Variants in MYT1L observed in about 807,000 individuals in gnomAD.
The protein encoded by MYT1L is myelin transcription factor 1 like.
In MYT1L, 12 loss-of-function variants were observed where a neutral mutation model predicts 126.7. The ratio of observed to expected loss-of-function variants is 0.09; its 90% CI spans 0.06 to 0.15. The LOEUF (loss-of-function observed/expected upper bound fraction) is 0.15, where lower values mean the gene tolerates loss of function less well. Ranked by LOEUF, MYT1L falls within the 10% of genes least tolerant of loss-of-function variation. The probability of loss-of-function intolerance (pLI) is 1.00; values close to 1 mark genes in which losing one functional copy is unlikely to be tolerated. For synonymous variants in MYT1L, 541 were observed against 604.2 expected (o/e 0.90, Z 1.53); for missense variants, 979 against 1,585.2 (o/e 0.62, Z 6.49).
At chr2:2,277,437 T>C (rs2095379682) in intron 2 of MYT1L, among the ~76,000 whole-genome samples, 1 of 152,212 alleles carries the variant, frequency 6.6e-6, no homozygotes, top group South Asian at 2.1e-4. Flanking sequence ...GTGGACAGAT[T>C]GTCCCATACG....
At position 1,965,939 on chromosome 2, in the gene MYT1L, G is replaced by C. The variant is rs777866021; in HGVS notation, c.152+13226C>G. Among the ~76,000 whole-genome samples, 4 of 152,262 alleles carry C rather than the reference G, an allele frequency of 2.6e-5. No individual in the cohort carries two copies. In the East Asian group the frequency reaches 7.7e-4, roughly 29 times the overall value. On this transcript the variant is annotated intron_variant, in intron 8 of 24. Coordinates refer to ENST00000647738, the MANE Select transcript of MYT1L (RefSeq NM_001303052.2). ...CCCGTGTGAGACAGTTACGTGCCGG[G>C]TGGCCCTGTGAGGGCACCAGGACTG...
At chr2:2,291,227 T>C (rs2095594947) in intron 1 of MYT1L, among the ~76,000 whole-genome samples, 1 of 152,220 alleles carries the variant, frequency 6.6e-6, no homozygotes, top group African/African-American at 2.4e-5. Flanking sequence ...TTCTGGGTTT[T>C]AGCTACAAAG....
intron 14 of MYT1L, among the ~76,000 whole-genome samples, chr2:1,901,489 T>C (rs1228861203): frequency 2.0e-5 from 3 of 152,206 alleles, no homozygotes; most frequent in Non-Finnish European, 4.4e-5. Context: ...TGTTATACGC[T>C]ACAGTCACTC....
At chr2:2,182,589 G>A (rs1292288235) in intron 2 of MYT1L, among the ~76,000 whole-genome samples, 2 of 152,166 alleles carry the variant, frequency 1.3e-5, no homozygotes, top group East Asian at 3.9e-4. Flanking sequence ...TTGGATGGAG[G>A]ATTTAGGGAG....
At chr2:2,208,399 C>T (rs1452615594) in intron 2 of MYT1L, among the ~76,000 whole-genome samples, 1 of 152,144 alleles carries the variant, frequency 6.6e-6, no homozygotes, top group African/African-American at 2.4e-5. Flanking sequence ...CCTGTCACAG[C>T]CAGCAGTTCG....
intron 18 of MYT1L, among the ~76,000 whole-genome samples, chr2:1,881,354 TCG>T (rs1491103527): frequency 3.6e-5 from 4 of 111,464 alleles, no homozygotes; most frequent in African/African-American, 1.4e-4. Flanking sequence ...GTTTGCAGGT[TCG>T]TGTGTGTGTG....
chr2:1,820,106 G>T (rs937752928), intron 21 of MYT1L, among the ~76,000 whole-genome samples: 9 of 152,162 alleles, frequency 5.9e-5, no homozygotes, highest in Non-Finnish European at 1.3e-4. Context: ...GGCAGCAATG[G>T]GTTCAGAAGA....
intron 2 of MYT1L, among the ~76,000 whole-genome samples, chr2:2,192,754 C>T (rs1205224361): frequency 6.6e-6 from 1 of 152,056 alleles, no homozygotes; most frequent in East Asian, 1.9e-4. Flanking sequence ...GGGAGGACTG[C>T]AATTGGGGGA....
At chr2:2,213,439 C>T (rs1312202577) in intron 2 of MYT1L, among the ~76,000 whole-genome samples, 1 of 152,048 alleles carries the variant, frequency 6.6e-6, no homozygotes, top group Non-Finnish European at 1.5e-5. Context: ...CAACAGTATC[C>T]AACATAATAT....
Position 1,789,960 on chromosome 2 carries a change from T to C in MYT1L, c.*1907A>G, listed in dbSNP as rs1558556700. ...ATAAAGTGCCGCTGGGATATACATA[T>C]ATTTATACACATATATATATACCGA... On this transcript the variant is annotated 3_prime_UTR_variant, in exon 25 of 25. Coordinates refer to ENST00000647738, the MANE Select transcript of MYT1L (RefSeq NM_001303052.2). 1 of 152,244 alleles carries C rather than the reference T, an allele frequency of 6.6e-6. No homozygotes were observed. Among genetic ancestry groups the C allele is most frequent in the South Asian group, 2.1e-4 (1 of 4,836 alleles). The allele number at this position is 152,244 out of a possible 1,614,324, so 9.4% of individuals were successfully genotyped here.
intron 3 of MYT1L, among the ~76,000 whole-genome samples, chr2:2,118,397 C>T (rs1472902965): frequency 6.6e-6 from 1 of 152,116 alleles, no homozygotes; most frequent in Non-Finnish European, 1.5e-5. Context: ...ATAATTGGTG[C>T]ATAAACACTG....
At position 1,791,223 on chromosome 2, in the gene MYT1L, C is replaced by T. The variant is rs759674163; in HGVS notation, c.*644G>A. ...ATCCATATGCCATTTCCTTGGAATG[C>T]AAAAAACCTCATTTATTGCCCCCAC... On this transcript the variant is annotated 3_prime_UTR_variant, in exon 25 of 25. Coordinates refer to ENST00000647738, the MANE Select transcript of MYT1L (RefSeq NM_001303052.2). This position sits in a 1 kb window ranked among gnomAD's most constrained non-coding sequence, Gnocchi z 6.0. 1 of 471,168 alleles carries T rather than the reference C, an allele frequency of 2.1e-6. No individual in the cohort carries two copies. The highest frequency in any genetic ancestry group is 1.6e-5 in the South Asian group (1 of 64,324). The allele number at this position is 471,168 out of a possible 1,614,324, so 29.2% of individuals were successfully genotyped here. A position where few individuals can be genotyped will look rare whatever the true frequency, so the allele number is the denominator to read the frequency against.
chr2:2,122,251 C>T (rs183978591), intron 3 of MYT1L, among the ~76,000 whole-genome samples: 56 of 152,264 alleles, frequency 3.7e-4, no homozygotes, highest in African/African-American at 1.3e-3. Flanking sequence ...CCATCTTGGA[C>T]GATGTATTTG....
chr2:2,307,184 G>A (rs1233414317), intron 1 of MYT1L, among the ~76,000 whole-genome samples: 2 of 152,106 alleles, frequency 1.3e-5, no homozygotes, highest in East Asian at 1.9e-4. Context: ...GAATGGGCGG[G>A]GAATTACCTC....
At chr2:2,322,730 G>GC (rs991812203) in intron 1 of MYT1L, among the ~76,000 whole-genome samples, 11 of 152,068 alleles carry the variant, frequency 7.2e-5, no homozygotes, top group African/African-American at 2.7e-4. Context: ...CTGATATTTT[G>GC]CCCCAAGAAA....
intron 9 of MYT1L, among the ~76,000 whole-genome samples, chr2:1,938,072 A>G (rs906725741): frequency 1.2e-4 from 19 of 152,218 alleles, no homozygotes; most frequent in Non-Finnish European, 2.4e-4. Context: ...AGCAACATCT[A>G]TGTGCTAAAG....
intron 2 of MYT1L, among the ~76,000 whole-genome samples, chr2:2,207,466 G>A (rs935861950): frequency 5.9e-5 from 9 of 152,142 alleles, no homozygotes; most frequent in Admixed American, 2.0e-4. Context: ...TTGAGCTTAC[G>A]TAGTACAATA....
At chr2:1,856,893 G>A (rs6741092) in intron 18 of MYT1L, among the ~76,000 whole-genome samples, 80,254 of 152,098 alleles carry the variant, frequency 0.53, 22,734 homozygotes, top group Middle Eastern at 0.74. Flanking sequence ...GGCCAGGAAA[G>A]AGCCCACAGC....
intron 8 of MYT1L, among the ~76,000 whole-genome samples, chr2:1,946,345 A>G (rs890884002): frequency 6.6e-6 from 1 of 152,148 alleles, no homozygotes; most frequent in Admixed American, 6.5e-5. Flanking sequence ...CACAAAAAAT[A>G]TAATGCACTT....
Sources: gnomAD v4.1 joint callset for allele counts (sites outside exome capture counted in the v4.1 genomes callset) on GRCh38, gnomAD v4.1.1 for gene constraint, Gnocchi (gnomAD v3.1) non-coding constraint, MANE v1.5 for transcripts, NCBI Gene and HGNC (gene_info 2026-07-23, HGNC 2026-07-21) for gene names.